The following SGSM3 variants were observed in gnomAD, a reference collection of about 807,000 sequenced individuals.
The protein encoded by SGSM3 is RUN and SH3 containing 3.
A neutral mutation model predicts 100.5 loss-of-function variants in SGSM3; 96 were observed. The ratio of observed to expected loss-of-function variants is 0.96; its 90% CI spans 0.81 to 1.13. The LOEUF (loss-of-function observed/expected upper bound fraction) is 1.13. Among genes scored for constraint, SGSM3 ranks in the 50% most tolerant of loss-of-function variants. The pLI is 0.00. For synonymous variants in SGSM3, 483 were observed against 422.8 expected, an observed-to-expected ratio of 1.14 and a Z score of -1.75; for missense variants, 1,001 against 1,015.8, an observed-to-expected ratio of 0.99 and a Z score of 0.20.
At chr22:40,396,223 C>T (rs981194573) in intron 1 of SGSM3, among the ~76,000 whole-genome samples, 1 of 152,000 alleles carries the variant, frequency 6.6e-6, no homozygotes, top group Non-Finnish European at 1.5e-5. Flanking sequence ...GAGTTTTTAT[C>T]GATAGCTTCA....
chr22:40,390,918 ACAGT>A (rs921657635), intron 1 of SGSM3, among the ~76,000 whole-genome samples: 21 of 152,254 alleles, frequency 1.4e-4, no homozygotes, highest in African/African-American at 4.3e-4. Context: ...TATTCATCAA[ACAGT>A]CAGCCCCTGC....
At chr22:40,380,022 A>C (rs2146790648) in intron 1 of SGSM3, among the ~76,000 whole-genome samples, 1 of 152,130 alleles carries the variant, frequency 6.6e-6, no homozygotes, top group Non-Finnish European at 1.5e-5. Flanking sequence ...GGTTTCTCTT[A>C]TTAACTGGCC....
In SGSM3 at chr22:40,407,427, C is replaced by T. The variant is rs1332863863; in HGVS notation, c.1383C>T (p.Asp461=). 11 of 1,612,766 alleles carry T rather than the reference C, an allele frequency of 6.8e-6. No homozygotes were observed. Among genetic ancestry groups the T allele is most frequent in the Non-Finnish European group, 2.5e-6 (3 of 1,179,812 alleles). Reference sequence around the variant, plus strand: ...CACTGTGGCAGGAGCTGACTCCAGACTATAGCATGGAGAGCCACCAGCGGG... The same window carrying T: ...CACTGTGGCAGGAGCTGACTCCAGATTATAGCATGGAGAGCCACCAGCGGG... ...PKNCSVELTP[D]YSMESHQRDH... The change falls in exon 13 of 22, where the codon GAC becomes GAT. Residue 461 remains aspartate, a synonymous_variant. Coordinates refer to ENST00000248929, the MANE Select transcript of SGSM3 (RefSeq NM_015705.6). This position sits in a 1 kb window ranked among gnomAD's most constrained non-coding sequence, Gnocchi z 4.7.
At position 40,405,550 on chromosome 22, in the gene SGSM3, C is replaced by T. The variant is rs768358372; in HGVS notation, c.619-99C>T. On this transcript the variant is annotated intron_variant, in intron 7 of 21. Transcript: ENST00000248929. ...CCTGGGTTCCAGCATGCGTGCCCCC[C>T]AAGAGGCTTTTGCTAATTGGTCTCC... 9 of 1,168,970 alleles carry T rather than the reference C, an allele frequency of 7.7e-6. No individual in the cohort carries two copies. In the East Asian group the frequency reaches 2.2e-4, roughly 28 times the overall value. The allele number at this position is 1,168,970 out of a possible 1,614,324, so 72.4% of individuals were successfully genotyped here.
rs1352648198 is a variant in SGSM3 at position 40,409,113 on chromosome 22, G to A, written c.1988+95G>A. 1.9e-6 allele frequency: 3 copies of A among 1,552,406 alleles called. No homozygotes were observed. The Admixed American group carries it at 5.8e-5, about 30-fold the overall frequency. On this transcript the variant is annotated intron_variant, in intron 19 of 21. Coordinates refer to ENST00000248929, the MANE Select transcript of SGSM3 (RefSeq NM_015705.6). The stretch of plus-strand genomic sequence containing the variant: ...CTTACAGGGAACCCTAAAGGACAAA[G>A]AACCTCAGGGGCTCAGGTCCTTCCC...
At chr22:40,400,625 C>T in intron 1 of SGSM3, 71 bp from the exon 2 acceptor site, 1 of 568,792 alleles carries the variant, frequency 1.8e-6, no homozygotes, top group Non-Finnish European at 3.0e-6. Context: ...CCTGAGGTGA[C>T]CAAGCGAGAC....
chr22:40,409,879 G>A lies in SGSM3; in HGVS notation c.*120G>A. 1 of 1,450,690 alleles carries A rather than the reference G, an allele frequency of 6.9e-7. No homozygotes were observed. The highest frequency in any genetic ancestry group is 9.0e-7 in the Non-Finnish European group (1 of 1,108,656). 89.9% of individuals were successfully genotyped at this position (1,450,690 alleles called of 1,614,324 possible). A position where few individuals can be genotyped will look rare whatever the true frequency, so the allele number is the denominator to read the frequency against. On this transcript the variant is annotated 3_prime_UTR_variant, in exon 22 of 22. Coordinates refer to ENST00000248929, the MANE Select transcript of SGSM3 (RefSeq NM_015705.6). Reference sequence around the variant, plus strand: ...CCGGGGCCGCGGGATATCAATATCAGGCTGCCCCACTCCACGTTCCCCAGC... The same window carrying A: ...CCGGGGCCGCGGGATATCAATATCAAGCTGCCCCACTCCACGTTCCCCAGC...
chr22:40,397,823 T>TCCC (rs2146934802), intron 1 of SGSM3, among the ~76,000 whole-genome samples: 1 of 152,308 alleles, frequency 6.6e-6, no homozygotes, highest in Admixed American at 6.5e-5. Context: ...TGCTCAGGTG[T>TCCC]CCCTAACCCA....
intron 9 of SGSM3, 103 bp from the exon 10 acceptor site, chr22:40,406,335 T>C (rs569864893): frequency 1.3e-6 from 2 of 1,520,812 alleles, no homozygotes; most frequent in East Asian, 2.3e-5. Flanking sequence ...CTGACAACTG[T>C]GCCAAGGCAA....
chr22:40,375,076 T>C (rs1895022199), intron 1 of SGSM3, among the ~76,000 whole-genome samples: 1 of 152,230 alleles, frequency 6.6e-6, no homozygotes, highest in South Asian at 2.1e-4. Context: ...GAGAGATACA[T>C]TCACCTCTTT....
In SGSM3 at chr22:40,400,956, A is replaced by G. The variant is rs1458862237; in HGVS notation, c.7+143A>G. 3.7e-6 allele frequency: 3 copies of G among 804,182 alleles called. No homozygotes were observed. In the African/African-American group the frequency reaches 5.4e-5, roughly 15 times the overall value. The allele number at this position is 804,182 out of a possible 1,614,324, so 49.8% of individuals were successfully genotyped here. On this transcript the variant is annotated intron_variant, in intron 2 of 21. Transcript: ENST00000248929. Reference sequence around the variant, plus strand: ...AGGGAAGGCTTCTGGCTGGCTGAGAAAGTTATTAAAACTTCCTTCTCAGCT... The same window carrying G: ...AGGGAAGGCTTCTGGCTGGCTGAGAGAGTTATTAAAACTTCCTTCTCAGCT...
intron 1 of SGSM3, among the ~76,000 whole-genome samples, chr22:40,380,747 G>T (rs904275405): frequency 6.6e-6 from 1 of 152,088 alleles, no homozygotes; most frequent in African/African-American, 2.4e-5. Context: ...ACCAGCCTGG[G>T]CAACATAGTA....
At chr22:40,409,649 G>C (rs935429484) in intron 21 of SGSM3, 33 bp from the exon 22 acceptor site, 2 of 1,613,006 alleles carry the variant, frequency 1.2e-6, no homozygotes, top group Non-Finnish European at 1.7e-6. Context: ...CCATGCCCAA[G>C]GCCTGTGAGG....
intron 1 of SGSM3, chr22:40,372,761 CT>C (rs1173419922): frequency 1.3e-5 from 2 of 152,136 alleles, no homozygotes; most frequent in African/African-American, 2.4e-5. Flanking sequence ...GGCTCAGAAG[CT>C]TAAAAAAAGC....
chr22:40,382,146 T>G (rs1601791386), intron 1 of SGSM3, among the ~76,000 whole-genome samples: 1 of 152,188 alleles, frequency 6.6e-6, no homozygotes, highest in East Asian at 1.9e-4. Context: ...GAGGTCAGGA[T>G]AAGTTTAGGA....
intron 1 of SGSM3, among the ~76,000 whole-genome samples, chr22:40,381,068 G>A (rs5995849): frequency 1.1e-3 from 161 of 152,184 alleles, no homozygotes; most frequent in Non-Finnish European, 1.8e-3. Flanking sequence ...TGGGAAGAAC[G>A]AAGTAATTAG....
chr22:40,406,184 G>A lies in SGSM3; in HGVS notation c.921G>A (p.Arg307=). The A allele has an allele frequency of 6.2e-7, 1 of 1,614,110 alleles. No homozygotes were observed. Among genetic ancestry groups the A allele is most frequent in the Non-Finnish European group, 8.5e-7 (1 of 1,180,034 alleles). Residue 307 remains arginine, a synonymous_variant, in exon 9 of 22, where the codon CGG becomes CGA. Transcript: ENST00000248929. ...IWDLFFYEGS[R]VLFQLTLGML... ...ACCTGTTTTTCTACGAGGGCTCCCG[G>A]GTGCTGTTCCAGCTCACGCTGGGCA...
In SGSM3 at chr22:40,406,347, C is replaced by T. The variant is rs961635628; in HGVS notation, c.961-91C>T. 22 of 1,500,386 alleles carry T rather than the reference C, an allele frequency of 1.5e-5. No homozygotes were observed. In the African/African-American group the frequency reaches 1.9e-4, roughly 13 times the overall value. 92.9% of individuals were successfully genotyped at this position (1,500,386 alleles called of 1,614,324 possible). Reference sequence around the variant, plus strand: ...CCCCTGACAACTGTGCCAAGGCAAACGGGTCCCTGAGGATGGGGGTTGGGG... The same window carrying T: ...CCCCTGACAACTGTGCCAAGGCAAATGGGTCCCTGAGGATGGGGGTTGGGG... On this transcript the variant is annotated intron_variant, in intron 9 of 21. Coordinates refer to ENST00000248929, the MANE Select transcript of SGSM3 (RefSeq NM_015705.6).
At chr22:40,400,379 C>T (rs1021713819) in intron 1 of SGSM3, among the ~76,000 whole-genome samples, 1 of 152,186 alleles carries the variant, frequency 6.6e-6, no homozygotes, top group Non-Finnish European at 1.5e-5. Flanking sequence ...CGCGGTGGCT[C>T]ATGCTTGTAA....
Sources: gnomAD v4.1 joint callset for allele counts (sites outside exome capture counted in the v4.1 genomes callset) on GRCh38, gnomAD v4.1.1 for gene constraint, Gnocchi (gnomAD v3.1) non-coding constraint, MANE v1.5 for transcripts, NCBI Gene and HGNC (gene_info 2026-07-23, HGNC 2026-07-21) for gene names.